Variants in SNX14 observed in about 807,000 individuals in gnomAD.
SNX14 encodes sorting nexin 14, also known as sorting nexin-14.
Under a neutral mutation model 133.8 loss-of-function variants are expected in SNX14, and 93 were observed. The observed-to-expected ratio is 0.70, with a 90% CI of 0.59 to 0.83. SNX14 has a LOEUF of 0.83. SNX14 is among the 40% of genes least tolerant of loss of function. The pLI, the probability that SNX14 is intolerant of heterozygous loss-of-function variation, is 0.00. For missense variants in SNX14, 945 were observed against 1,094.9 expected (o/e 0.86, Z 1.93); for synonymous variants, 368 against 365.6 (o/e 1.01, Z -0.07).
intron 23 of SNX14, among the ~76,000 whole-genome samples, chr6:85,516,495 T>C (rs1775042706): frequency 6.6e-6 from 1 of 152,030 alleles, no homozygotes. Flanking sequence ...ACCAACTCTA[T>C]CAAATATTTA....
intron 26 of SNX14, chr6:85,508,262 C>T: frequency 2.5e-6 from 3 of 1,193,048 alleles, no homozygotes; most frequent in Non-Finnish European, 2.1e-6. Context: ...ATCATGTATC[C>T]CATTTTTGGA....
chr6:85,506,399 C>T (rs891530997), intron 28 of SNX14, among the ~76,000 whole-genome samples: 1 of 152,002 alleles, frequency 6.6e-6, no homozygotes, highest in Admixed American at 6.6e-5. Flanking sequence ...TCACTGCAAC[C>T]TCCTCCTCCC....
chr6:85,574,132 G>T, intron 2 of SNX14, 126 bp downstream of exon 2: 7 of 533,898 alleles, frequency 1.3e-5, no homozygotes, highest in Non-Finnish European at 1.9e-5. Context: ...AAAAAAAAAA[G>T]AGAAGAAATT....
chr6:85,576,025 AT>A (rs772927361), intron 1 of SNX14, among the ~76,000 whole-genome samples: 4 of 152,050 alleles, frequency 2.6e-5, no homozygotes, highest in African/African-American at 9.7e-5. Flanking sequence ...TCACTTTACT[AT>A]TTTTTTCATT....
chr6:85,547,893 A>G (rs1390819101), intron 9 of SNX14, among the ~76,000 whole-genome samples: 1 of 152,266 alleles, frequency 6.6e-6, no homozygotes, highest in Non-Finnish European at 1.5e-5. Context: ...TTATACACAT[A>G]CAATGAAATA....
chr6:85,553,128 T>A (rs1788376607), intron 7 of SNX14, among the ~76,000 whole-genome samples: 1 of 152,222 alleles, frequency 6.6e-6, no homozygotes. Flanking sequence ...TAGCAATAAA[T>A]GCCTCACGTT....
In SNX14 at chr6:85,593,710, G is replaced by A. The variant is rs140849299; in HGVS notation, c.9C>T (p.Pro3=). The A allele has an allele frequency of 3.8e-4, 617 of 1,613,684 alleles. 2 individuals are homozygous for A. Among genetic ancestry groups the A allele is most frequent in the Non-Finnish European group, 4.7e-4 (553 of 1,179,936 alleles). MV[P]WVRTMGQKLK... is the part of the protein sequence containing the mutation. ...GCTTCTGCCCCATCGTCCGCACCCA[G>A]GGCACCATCTCCGTAACGGCGAGGC... The change falls in exon 1 of 29, where the codon CCC becomes CCT. Residue 3 remains proline (P), a synonymous_variant. Transcript: ENST00000314673.
At chr6:85,506,997 A>G (rs533968078) in intron 28 of SNX14, among the ~76,000 whole-genome samples, 19 of 152,306 alleles carry the variant, frequency 1.2e-4, no homozygotes, top group Non-Finnish European at 2.8e-4. Flanking sequence ...TAGGGTCCCT[A>G]TCTGCTTGTA....
chr6:85,507,201 A>G, intron 28 of SNX14, 32 bp downstream of exon 28: 4 of 1,569,158 alleles, frequency 2.5e-6, no homozygotes, highest in Non-Finnish European at 3.5e-6. Context: ...CCATTAAGAA[A>G]ATCATGAATA....
intron 1 of SNX14, among the ~76,000 whole-genome samples, chr6:85,584,805 T>G (rs1800141237): frequency 6.6e-6 from 1 of 151,876 alleles, no homozygotes; most frequent in African/African-American, 2.4e-5. Flanking sequence ...TTGGTGGGAG[T>G]GTAAATTAGT....
Position 85,593,575 on chromosome 6 carries a change from T to C in SNX14, c.140+4A>G, listed in dbSNP as rs755139303. 1.3e-4 allele frequency: 206 copies of C among 1,608,636 alleles called. No individual in the cohort carries two copies. Among genetic ancestry groups the C allele is most frequent in the Non-Finnish European group, 1.7e-4 (198 of 1,178,008 alleles). On this transcript the variant is annotated splice_donor_region_variant and intron_variant, in intron 1 of 28. Transcript: ENST00000314673. ...GCCGCCCAGGCTCCGCGCTGCGGCG[T>C]TACCTGTTAAGAAGCAGGGAGGCGG...
intron 15 of SNX14, among the ~76,000 whole-genome samples, chr6:85,541,747 A>T (rs1454148152): frequency 6.6e-6 from 1 of 152,210 alleles, no homozygotes; most frequent in East Asian, 1.9e-4. Context: ...ACTAATATAT[A>T]TTCATTATGA....
intron 1 of SNX14, among the ~76,000 whole-genome samples, chr6:85,579,675 C>T (rs192090534): frequency 4.9e-4 from 75 of 152,286 alleles, no homozygotes; most frequent in Admixed American, 1.2e-3. Context: ...TTAGCCGATG[C>T]CCAAAAAGAG....
intron 1 of SNX14, among the ~76,000 whole-genome samples, chr6:85,590,944 T>C (rs1220268080): frequency 1.3e-5 from 2 of 152,228 alleles, no homozygotes; most frequent in East Asian, 3.8e-4. Context: ...CAATCCATAG[T>C]ACATACCAAG....
intron 23 of SNX14, among the ~76,000 whole-genome samples, chr6:85,515,261 T>TC (rs1774469622): frequency 3.6e-5 from 1 of 27,580 alleles, no homozygotes; most frequent in Admixed American, 5.1e-4. Flanking sequence ...AGCAAGACCG[T>TC]CAAAAAAAAA....
At position 85,593,455 on chromosome 6, in the gene SNX14, G is replaced by C. The variant is rs938983752; in HGVS notation, c.140+124C>G. On this transcript the variant is annotated intron_variant, in intron 1 of 28. Coordinates refer to ENST00000314673, the MANE Select transcript of SNX14 (RefSeq NM_153816.6). ...CTCCCCGAGGCCGCTCCTCTGCGGAGCTCGCTCTCCCCACTGGTCCCCAGT... is the reference window on the plus strand; with the variant it reads ...CTCCCCGAGGCCGCTCCTCTGCGGACCTCGCTCTCCCCACTGGTCCCCAGT... 2.6e-5 allele frequency: 36 copies of C among 1,395,328 alleles called. No individual in the cohort carries two copies. The African/African-American group carries it at 2.7e-4, about 10-fold the overall frequency. The allele number at this position is 1,395,328 out of a possible 1,614,324, so 86.4% of individuals were successfully genotyped here. A position where few individuals can be genotyped will look rare whatever the true frequency, so the allele number is the denominator to read the frequency against.
intron 5 of SNX14, 116 bp downstream of exon 5, chr6:85,567,418 G>C (rs1794228112): frequency 2.6e-6 from 2 of 766,856 alleles, no homozygotes; most frequent in Non-Finnish European, 2.1e-6. Flanking sequence ...TGGCTAAAAG[G>C]TCAACAATGA....
intron 7 of SNX14, among the ~76,000 whole-genome samples, chr6:85,552,310 A>T (rs767638397): frequency 4.6e-5 from 7 of 152,112 alleles, no homozygotes; most frequent in African/African-American, 1.7e-4. Context: ...TGCTGGGGGA[A>T]TCTTAACCCT....
chr6:85,548,273 C>G, intron 9 of SNX14, 28 bp downstream of exon 9: 2 of 1,520,510 alleles, frequency 1.3e-6, no homozygotes, highest in South Asian at 2.4e-5. Flanking sequence ...TAATTTGTAA[C>G]AATTTAAAAA....
Sources: allele counts gnomAD v4.1 joint callset (sites outside exome capture counted in the v4.1 genomes callset), GRCh38; gene constraint gnomAD v4.1.1; transcripts MANE v1.5; gene names NCBI Gene and HGNC (gene_info 2026-07-23, HGNC 2026-07-21).